Variants in CSMD1 observed in about 807,000 individuals in gnomAD.
The protein encoded by CSMD1 is CUB and sushi domain-containing protein 1.
A neutral mutation model predicts 417.5 loss-of-function variants in CSMD1; 213 were observed. The observed-to-expected ratio is 0.51, with a 90% CI of 0.46 to 0.57. The LOEUF (loss-of-function observed/expected upper bound fraction) is 0.57. Among genes scored for constraint, CSMD1 ranks in the 20% least tolerant of loss-of-function variants. The pLI is 0.00. For missense variants in CSMD1, 6,923 were observed against 4,529.7 expected (o/e 1.53, Z -15.17); for synonymous variants, 2,862 against 1,736.8 (o/e 1.65, Z -16.11).
chr8:4,255,996 G>A (rs1158356607), intron 3 of CSMD1, among the ~76,000 whole-genome samples: 2 of 152,196 alleles, frequency 1.3e-5, no homozygotes, highest in Non-Finnish European at 2.9e-5. Flanking sequence ...GTGCAGGGTA[G>A]AGAGGGTTAT....
intron 3 of CSMD1, among the ~76,000 whole-genome samples, chr8:4,040,570 A>G (rs1188807892): frequency 2.0e-5 from 3 of 152,228 alleles, no homozygotes; most frequent in Admixed American, 6.5e-5. Context: ...GGTGTTCACA[A>G]TGGAGGTTAG....
chr8:4,841,716 G>C (rs1800844213), intron 1 of CSMD1, among the ~76,000 whole-genome samples: 1 of 151,852 alleles, frequency 6.6e-6, no homozygotes, highest in Non-Finnish European at 1.5e-5. Context: ...TTGGAGACAA[G>C]CCTGACCAAC....
intron 5 of CSMD1, among the ~76,000 whole-genome samples, chr8:3,888,949 ATTAATTGTATTATATTTAAAGAAAC>A (rs1554475221): frequency 6.6e-6 from 1 of 152,208 alleles, no homozygotes; most frequent in Non-Finnish European, 1.5e-5. Flanking sequence ...TGAAGATTTT[ATTAATTGTATTATATTTAAAGAAAC>A]TTTATCCTTT....
chr8:3,477,451 A>G (rs1817497252), intron 11 of CSMD1, among the ~76,000 whole-genome samples: 1 of 152,248 alleles, frequency 6.6e-6, no homozygotes, highest in African/African-American at 2.4e-5. Flanking sequence ...GATTTAAGTG[A>G]CTACTTGCCT....
chr8:4,129,844 G>A (rs538266207), intron 3 of CSMD1, among the ~76,000 whole-genome samples: 1 of 151,938 alleles, frequency 6.6e-6, no homozygotes, highest in African/African-American at 2.4e-5. Flanking sequence ...TTCTTTCCTA[G>A]ATGGTTCCTG....
At chr8:3,769,404 C>G (rs182971834) in intron 5 of CSMD1, among the ~76,000 whole-genome samples, 124 of 150,398 alleles carry the variant, frequency 8.2e-4, no homozygotes, top group African/African-American at 3.0e-3. Context: ...TTCAATGACA[C>G]AAAAGAATAT....
chr8:3,657,385 G>GC (rs1798182511), intron 7 of CSMD1, among the ~76,000 whole-genome samples: 1 of 152,026 alleles, frequency 6.6e-6, no homozygotes, highest in Admixed American at 6.6e-5. Context: ...CTATAAAACT[G>GC]TATGGTATCA....
At chr8:4,194,791 A>C (rs778137777) in intron 3 of CSMD1, among the ~76,000 whole-genome samples, 5 of 152,108 alleles carry the variant, frequency 3.3e-5, no homozygotes, top group African/African-American at 4.8e-5. Flanking sequence ...AACCTTCATG[A>C]GACTCTTTGG....
intron 3 of CSMD1, among the ~76,000 whole-genome samples, chr8:4,165,517 C>T (rs1489226796): frequency 1.3e-5 from 2 of 152,190 alleles, no homozygotes; most frequent in African/African-American, 2.4e-5. Context: ...CATCCTCCCA[C>T]CTCAGCCTGC....
At chr8:3,129,222 T>C (rs190754378) in intron 41 of CSMD1, among the ~76,000 whole-genome samples, 5 of 152,330 alleles carry the variant, frequency 3.3e-5, no homozygotes, top group African/African-American at 1.2e-4. Flanking sequence ...AGGGGATTTA[T>C]GGGTATCTCA....
chr8:4,622,511 T>C (rs963407420), intron 2 of CSMD1, among the ~76,000 whole-genome samples: 2 of 152,094 alleles, frequency 1.3e-5, no homozygotes, highest in Non-Finnish European at 2.9e-5. Flanking sequence ...GAATGTCTCT[T>C]CCTCCTGCTG....
At position 4,265,540 on chromosome 8, in the gene CSMD1, T is replaced by C. The variant is rs944269445; in HGVS notation, c.415+154413A>G. On this transcript the variant is annotated intron_variant, in intron 3 of 69. Coordinates refer to ENST00000635120, the MANE Select transcript of CSMD1 (RefSeq NM_033225.6). The stretch of plus-strand genomic sequence containing the variant: ...ATAGTACAATTTAAAAATTATTTAT[T>C]TACAAATTCTATTCATATACTCCTA... Among the ~76,000 whole-genome samples the C allele has an allele frequency of 1.9e-5, 2 of 105,080 alleles. 1 individual carries two copies. Among genetic ancestry groups the C allele is most frequent in the African/African-American group, 5.2e-5 (2 of 38,524 alleles). 68.9% of individuals were successfully genotyped at this position (105,080 alleles called of 152,430 possible). A position where few individuals can be genotyped will look rare whatever the true frequency, so the allele number is the denominator to read the frequency against.
intron 49 of CSMD1, among the ~76,000 whole-genome samples, chr8:3,078,756 G>C (rs1156514575): frequency 6.6e-6 from 1 of 152,124 alleles, no homozygotes; most frequent in Non-Finnish European, 1.5e-5. Flanking sequence ...TGAACAAGAA[G>C]GGAAGTATGT....
rs1014741870 is a variant in CSMD1, at chr8:4,719,102, A to G, written c.86-81544T>C. Among the ~76,000 whole-genome samples, 47 of 152,320 alleles carry G rather than the reference A, an allele frequency of 3.1e-4. 1 individual carries two copies. Among genetic ancestry groups the G allele is most frequent in the Admixed American group, 2.0e-3 (31 of 15,292 alleles). On this transcript the variant is annotated intron_variant, in intron 1 of 69. Coordinates refer to ENST00000635120, the MANE Select transcript of CSMD1 (RefSeq NM_033225.6). ...TTGTTTTAATGTGGTTGGTTTCTGC[A>G]CAAAGAAGCTCTGAATGATGAACAA...
chr8:3,838,437 A>C (rs1224777280), intron 5 of CSMD1, among the ~76,000 whole-genome samples: 2 of 149,796 alleles, frequency 1.3e-5, no homozygotes, highest in African/African-American at 2.5e-5. Context: ...AGGGAGTGTA[A>C]GAGTATAGAC....
In CSMD1 at chr8:4,639,436, G is replaced by A. The variant is rs1803061171; in HGVS notation, c.86-1878C>T. ...CCTGTAAATATTACTATCCTGTAAG[G>A]GAATAGGATAACCCACTCAAACCCT... On this transcript the variant is annotated intron_variant, in intron 1 of 69. Transcript: ENST00000635120. Among the ~76,000 whole-genome samples the A allele has an allele frequency of 1.3e-5, 2 of 152,008 alleles. 1 individual carries two copies. Among genetic ancestry groups the A allele is most frequent in the South Asian group, 4.2e-4 (2 of 4,814 alleles).
At chr8:4,496,046 G>A (rs959400298) in intron 2 of CSMD1, among the ~76,000 whole-genome samples, 1 of 152,220 alleles carries the variant, frequency 6.6e-6, no homozygotes, top group Non-Finnish European at 1.5e-5. Context: ...AATTGGCACT[G>A]TTTTCTTTTT....
chr8:3,026,652 T>A (rs920377890), intron 51 of CSMD1, among the ~76,000 whole-genome samples: 1 of 152,200 alleles, frequency 6.6e-6, no homozygotes, highest in African/African-American at 2.4e-5. Context: ...CCGTGAACTC[T>A]GCCCTGTGAG....
chr8:3,780,761 T>G (rs550293695), intron 5 of CSMD1, among the ~76,000 whole-genome samples: 1 of 152,272 alleles, frequency 6.6e-6, no homozygotes, highest in Non-Finnish European at 1.5e-5. Context: ...TTGGGTGACA[T>G]TCTTATACAC....
Sources: allele counts gnomAD v4.1 joint callset (sites outside exome capture counted in the v4.1 genomes callset), GRCh38; gene constraint gnomAD v4.1.1; transcripts MANE v1.5; gene names NCBI Gene and HGNC (gene_info 2026-07-23, HGNC 2026-07-21).